UNC5C: variants seen among roughly 807,000 people sequenced by gnomAD.
The protein encoded by UNC5C is netrin receptor UNC5C.
A neutral mutation model predicts 99.8 loss-of-function variants in UNC5C; 47 were observed. The ratio of observed to expected loss-of-function variants is 0.47; its 90% CI spans 0.37 to 0.60. The LOEUF is 0.60. UNC5C is among the 20% of genes least tolerant of loss of function. UNC5C has a pLI of 0.00. For missense variants in UNC5C, 1,062 were observed against 1,165.9 expected (o/e 0.91, Z 1.30); for synonymous variants, 487 against 452.2 (o/e 1.08, Z -0.98).
chr4:95,443,852 A>C (rs1363862456), intron 1 of UNC5C, among the ~76,000 whole-genome samples: 3 of 152,328 alleles, frequency 2.0e-5, no homozygotes, highest in East Asian at 3.9e-4. Flanking sequence ...CTCTCTCTTG[A>C]ATAATACAAA....
At chr4:95,463,867 A>G (rs116370723) in intron 1 of UNC5C, among the ~76,000 whole-genome samples, 28 of 152,314 alleles carry the variant, frequency 1.8e-4, no homozygotes, top group African/African-American at 6.5e-4. Context: ...AGGGCAAAAG[A>G]TATGTGAACA....
intron 1 of UNC5C, among the ~76,000 whole-genome samples, chr4:95,354,260 C>T (rs1229351388): frequency 1.3e-5 from 2 of 151,764 alleles, no homozygotes; most frequent in Non-Finnish European, 1.5e-5. Flanking sequence ...TGTAGCTCCT[C>T]GTTTCCTATA....
chr4:95,408,126 T>A (rs1745878684), intron 1 of UNC5C, among the ~76,000 whole-genome samples: 1 of 152,224 alleles, frequency 6.6e-6, no homozygotes, highest in South Asian at 2.1e-4. Flanking sequence ...AATACATTCA[T>A]TTTAAAATAA....
intron 1 of UNC5C, among the ~76,000 whole-genome samples, chr4:95,394,968 A>G (rs971896564): frequency 2.6e-5 from 4 of 152,194 alleles, no homozygotes; most frequent in African/African-American, 4.8e-5. Flanking sequence ...TTCCTCAATC[A>G]TTGCTCAAGT....
At chr4:95,434,797 CTTA>C (rs1243205433) in intron 1 of UNC5C, among the ~76,000 whole-genome samples, 3 of 151,948 alleles carry the variant, frequency 2.0e-5, no homozygotes, top group Non-Finnish European at 2.9e-5. Flanking sequence ...GCTCAAAGAA[CTTA>C]TTATTTTTCT....
chr4:95,391,445 A>T (rs555095612), intron 1 of UNC5C, among the ~76,000 whole-genome samples: 1 of 152,264 alleles, frequency 6.6e-6, no homozygotes, highest in Admixed American at 6.5e-5. Context: ...AGTATATTAT[A>T]CTGATTGTCA....
At chr4:95,315,650 T>C (rs1291284566) in intron 2 of UNC5C, among the ~76,000 whole-genome samples, 11 of 152,168 alleles carry the variant, frequency 7.2e-5, no homozygotes, top group Non-Finnish European at 1.5e-4. Context: ...ACAGGAAAGG[T>C]AGCTATTTAA....
chr4:95,407,795 G>C (rs888883407), intron 1 of UNC5C, among the ~76,000 whole-genome samples: 1 of 152,172 alleles, frequency 6.6e-6, no homozygotes, highest in South Asian at 2.1e-4. Flanking sequence ...TTATATTACT[G>C]TATTGGGCAG....
chr4:95,472,920 T>C (rs76159232), intron 1 of UNC5C, among the ~76,000 whole-genome samples: 5 of 147,096 alleles, frequency 3.4e-5, no homozygotes, highest in Non-Finnish European at 7.6e-5. Context: ...AAAAAAAAAA[T>C]GTGTTCCTGT....
At chr4:95,211,427 A>G (rs1376597253) in intron 10 of UNC5C, among the ~76,000 whole-genome samples, 1 of 152,230 alleles carries the variant, frequency 6.6e-6, no homozygotes, top group African/African-American at 2.4e-5. Context: ...ACTGATAAGC[A>G]TTATGCTTAT....
At chr4:95,179,118 C>T (rs1736494701) in intron 14 of UNC5C, among the ~76,000 whole-genome samples, 1 of 152,218 alleles carries the variant, frequency 6.6e-6, no homozygotes, top group East Asian at 1.9e-4. Flanking sequence ...TATGATTTTT[C>T]AACATTAGTC....
intron 3 of UNC5C, among the ~76,000 whole-genome samples, chr4:95,300,303 G>A (rs564570837): frequency 3.3e-5 from 5 of 152,326 alleles, no homozygotes; most frequent in Non-Finnish European, 7.4e-5. Context: ...ATGCATATTA[G>A]TGTATTAAAT....
At chr4:95,494,049 A>G (rs943141577) in intron 1 of UNC5C, among the ~76,000 whole-genome samples, 2 of 151,626 alleles carry the variant, frequency 1.3e-5, no homozygotes, top group African/African-American at 2.4e-5. Context: ...AACTGCAGGA[A>G]TCAGTTATTT....
At chr4:95,275,638 A>G (rs1320727222) in intron 4 of UNC5C, among the ~76,000 whole-genome samples, 1 of 152,212 alleles carries the variant, frequency 6.6e-6, no homozygotes, top group African/African-American at 2.4e-5. Context: ...AGAAATGCCT[A>G]TGCCATTATT....
At chr4:95,486,923 A>T (rs1477637896) in intron 1 of UNC5C, among the ~76,000 whole-genome samples, 1 of 151,736 alleles carries the variant, frequency 6.6e-6, no homozygotes, top group Non-Finnish European at 1.5e-5. Context: ...TATTTAGGTC[A>T]TCAGGGCTCC....
At chr4:95,522,473 GGGA>G (rs1722385966) in intron 1 of UNC5C, among the ~76,000 whole-genome samples, 1 of 152,048 alleles carries the variant, frequency 6.6e-6, no homozygotes, top group South Asian at 2.1e-4. Flanking sequence ...GAGGAAGAGA[GGGA>G]GAGAAATTAC....
chr4:95,369,892 C>CT (rs376591246), intron 1 of UNC5C, among the ~76,000 whole-genome samples: 50 of 147,510 alleles, frequency 3.4e-4, no homozygotes, highest in African/African-American at 6.9e-4. Flanking sequence ...GTAGCCCCCC[C>CT]TTTTTTTTTT....
At chr4:95,358,061 T>G (rs1426033591) in intron 1 of UNC5C, among the ~76,000 whole-genome samples, 4 of 152,154 alleles carry the variant, frequency 2.6e-5, no homozygotes, top group Non-Finnish European at 4.4e-5. Context: ...CTATGTTTAG[T>G]ATAAGCTACC....
At chr4:95,387,344 T>G (rs1279154163) in intron 1 of UNC5C, among the ~76,000 whole-genome samples, 3 of 152,132 alleles carry the variant, frequency 2.0e-5, no homozygotes, top group African/African-American at 2.4e-5. Flanking sequence ...CTCACTATGT[T>G]GCCCAGGCTG....
Sources: gnomAD v4.1 joint callset for allele counts (sites outside exome capture counted in the v4.1 genomes callset) on GRCh38, gnomAD v4.1.1 for gene constraint, MANE v1.5 for transcripts, NCBI Gene and HGNC (gene_info 2026-07-23, HGNC 2026-07-21) for gene names.